PLAC8L1: variants seen among roughly 807,000 people sequenced by gnomAD.
PLAC8L1 encodes the protein PLAC8 like 1.
A neutral mutation model predicts 16.3 loss-of-function variants in PLAC8L1; 13 were observed. That is an observed-to-expected ratio of 0.80 (90% CI 0.52 to 1.27). The LOEUF (loss-of-function observed/expected upper bound fraction) is 1.27. Ranked by LOEUF, PLAC8L1 falls within the 50% of genes most tolerant of loss-of-function variation. The pLI is 0.00. For missense variants in PLAC8L1, 184 were observed against 220.2 expected (o/e 0.84, Z 1.04); for synonymous variants, 78 against 79.3 (o/e 0.98, Z 0.09).
intron 2 of PLAC8L1, among the ~76,000 whole-genome samples, chr5:146,093,182 T>C (rs1005196375): frequency 1.3e-5 from 2 of 151,962 alleles, no homozygotes; most frequent in African/African-American, 4.8e-5. Flanking sequence ...TAATTAAACA[T>C]CTATTTTAAC....
intron 1 of PLAC8L1, among the ~76,000 whole-genome samples, chr5:146,102,363 T>A (rs1281381371): frequency 6.6e-6 from 1 of 152,236 alleles, no homozygotes; most frequent in Non-Finnish European, 1.5e-5. Context: ...AATGTTTGAA[T>A]TGACATACAT....
At chr5:146,098,934 G>A (rs1395311811) in intron 1 of PLAC8L1, among the ~76,000 whole-genome samples, 1 of 152,180 alleles carries the variant, frequency 6.6e-6, no homozygotes, top group Non-Finnish European at 1.5e-5. Context: ...CTGTATGATT[G>A]ACCTAGTGGT....
chr5:146,104,396 T>TTTA lies in PLAC8L1; in HGVS notation c.-86_-85insTAA. ...TTCTAAACTTCGGATTAGTCCAAAG[T>TTTA]GAAACATCTCTTGAAAGAATGTTCC... On this transcript the variant is annotated 5_prime_UTR_variant, in exon 1 of 4. An upstream open reading frame in the 5' UTR gains an earlier in-frame stop. Transcript: ENST00000311450. 9.8e-7 allele frequency: 1 copy of TTTA among 1,016,088 alleles called. No individual in the cohort carries two copies. The highest frequency in any genetic ancestry group is 1.6e-6 in the Non-Finnish European group (1 of 644,904). The allele number at this position is 1,016,088 out of a possible 1,614,324, so 62.9% of individuals were successfully genotyped here. A position where few individuals can be genotyped will look rare whatever the true frequency, so the allele number is the denominator to read the frequency against.
intron 2 of PLAC8L1, among the ~76,000 whole-genome samples, chr5:146,089,879 C>T (rs1763582874): frequency 6.6e-6 from 1 of 151,800 alleles, no homozygotes; most frequent in South Asian, 2.1e-4. Context: ...GCTGGGAATA[C>T]ATGTGCCTGC....
intron 1 of PLAC8L1, among the ~76,000 whole-genome samples, chr5:146,101,275 GC>G (rs1258928781): frequency 6.6e-6 from 1 of 151,364 alleles, no homozygotes; most frequent in Non-Finnish European, 1.5e-5. Flanking sequence ...ACAGAGAAAG[GC>G]CACGTGAGCA....
Position 146,104,383 on chromosome 5 carries a change from G to A in PLAC8L1, c.-72C>T, listed in dbSNP as rs1763875684. The A allele has an allele frequency of 7.5e-6, 9 of 1,195,054 alleles. No homozygotes were observed. The highest frequency in any genetic ancestry group is 1.0e-5 in the Non-Finnish European group (8 of 803,434). The allele number at this position is 1,195,054 out of a possible 1,614,324, so 74.0% of individuals were successfully genotyped here. A position where few individuals can be genotyped will look rare whatever the true frequency, so the allele number is the denominator to read the frequency against. ...GCAATAAGCTGGTTTCTAAACTTCGGATTAGTCCAAAGTGAAACATCTCTT... is the reference window on the plus strand; with the variant it reads ...GCAATAAGCTGGTTTCTAAACTTCGAATTAGTCCAAAGTGAAACATCTCTT... On this transcript the variant is annotated 5_prime_UTR_variant, in exon 1 of 4. Transcript: ENST00000311450.
chr5:146,096,153 G>A (rs1763715105), intron 2 of PLAC8L1, among the ~76,000 whole-genome samples: 1 of 152,132 alleles, frequency 6.6e-6, no homozygotes, highest in Non-Finnish European at 1.5e-5. Flanking sequence ...CCTGGCTTCT[G>A]GGGGTTGCTG....
intron 2 of PLAC8L1, among the ~76,000 whole-genome samples, chr5:146,097,488 T>G (rs1763737620): frequency 6.6e-6 from 1 of 152,266 alleles, no homozygotes; most frequent in Non-Finnish European, 1.5e-5. Flanking sequence ...TATTTGTATT[T>G]GTATTCTTCC....
At position 146,084,421 on chromosome 5, in the gene PLAC8L1, T is replaced by G. The variant is rs765773424; in HGVS notation, c.*11A>C. ...GGTGTTGGGGAGTAAGGAGGAGGAG[T>G]TATCTTGCTGTCAAACCAGGGTGTC... On this transcript the variant is annotated 3_prime_UTR_variant, in exon 4 of 4. Transcript: ENST00000311450. The G allele has an allele frequency of 6.8e-6, 11 of 1,612,146 alleles. No homozygotes were observed. Among genetic ancestry groups the G allele is most frequent in the Middle Eastern group, 3.3e-4 (2 of 6,076 alleles).
Position 146,105,204 on chromosome 5 carries a change from C to A in PLAC8L1, c.-893G>T, listed in dbSNP as rs1032013384. Among the ~76,000 whole-genome samples, 1 of 152,182 alleles carries A rather than the reference C, an allele frequency of 6.6e-6. No individual in the cohort carries two copies. Among genetic ancestry groups the A allele is most frequent in the African/African-American group, 2.4e-5 (1 of 41,440 alleles). On this transcript the variant is annotated 5_prime_UTR_variant, in exon 1 of 4. Coordinates refer to ENST00000311450, the MANE Select transcript of PLAC8L1 (RefSeq NM_001029869.3). ...ACATTAGAAAGACATCAGGAGGATA[C>A]TGCCAATTATATCATATATTCTTTT...
intron 1 of PLAC8L1, among the ~76,000 whole-genome samples, chr5:146,101,589 G>T (rs968188861): frequency 6.6e-6 from 1 of 152,194 alleles, no homozygotes; most frequent in African/African-American, 2.4e-5. Flanking sequence ...CCTCATGGGT[G>T]CATGATAAGT....
At chr5:146,091,085 G>A (rs1763612406) in intron 2 of PLAC8L1, among the ~76,000 whole-genome samples, 1 of 151,972 alleles carries the variant, frequency 6.6e-6, no homozygotes, top group African/African-American at 2.4e-5. Context: ...ATGATATATT[G>A]TGGGGAGCCA....
chr5:146,085,923 T>G (rs1763503108), intron 2 of PLAC8L1, among the ~76,000 whole-genome samples: 1 of 152,168 alleles, frequency 6.6e-6, no homozygotes, highest in Admixed American at 6.5e-5. Context: ...ACTGTTGCTT[T>G]CATTATGTTC....
At chr5:146,089,659 T>C (rs1763577846) in intron 2 of PLAC8L1, among the ~76,000 whole-genome samples, 1 of 152,062 alleles carries the variant, frequency 6.6e-6, no homozygotes, top group Non-Finnish European at 1.5e-5. Context: ...TGTGGATTGG[T>C]GTGCTAGACA....
At position 146,099,658 on chromosome 5, in the gene PLAC8L1, CAAAAAAAAAAAA is replaced by C. The variant is rs10581890; in HGVS notation, c.120-1378_120-1367del. 1.5e-3 allele frequency among the ~76,000 whole-genome samples: 133 copies of C among 88,740 alleles called. 1 individual carries two copies. The highest frequency in any genetic ancestry group is 6.7e-3 in the African/African-American group (129 of 19,274). 58.2% of individuals were successfully genotyped at this position (88,740 alleles called of 152,430 possible). On this transcript the variant is annotated intron_variant, in intron 1 of 3. Coordinates refer to ENST00000311450, the MANE Select transcript of PLAC8L1 (RefSeq NM_001029869.3). ...TGGGTGACAGAGCAAGACTCCGTCTCAAAAAAAAAAAAAAAAAAAAAAAAGTTGTTGCAGTAA... is the reference window on the plus strand; with the variant it reads ...TGGGTGACAGAGCAAGACTCCGTCTCAAAAAAAAAAAAGTTGTTGCAGTAA...
intron 1 of PLAC8L1, among the ~76,000 whole-genome samples, chr5:146,101,966 C>T (rs541764256): frequency 1.3e-5 from 2 of 151,820 alleles, no homozygotes; most frequent in Admixed American, 6.6e-5. Flanking sequence ...GTATTCTATC[C>T]ATTCCAAATC....
At chr5:146,097,846 C>G (rs889946901) in intron 2 of PLAC8L1, among the ~76,000 whole-genome samples, 1 of 152,180 alleles carries the variant, frequency 6.6e-6, no homozygotes, top group Non-Finnish European at 1.5e-5. Flanking sequence ...GCTAAACCAT[C>G]CCCCAGAAGA....
chr5:146,088,724 A>C (rs988896657), intron 2 of PLAC8L1, among the ~76,000 whole-genome samples: 1 of 152,170 alleles, frequency 6.6e-6, no homozygotes, highest in Non-Finnish European at 1.5e-5. Flanking sequence ...GTCTCAAATA[A>C]GACTGGGATA....
chr5:146,104,006 T>C, intron 1 of PLAC8L1, 187 bp downstream of exon 1: 2 of 985,422 alleles, frequency 2.0e-6, no homozygotes, highest in Non-Finnish European at 2.4e-6. Context: ...CCTTTTCTTG[T>C]CACCAGCCAA....
Sources: allele counts gnomAD v4.1 joint callset (sites outside exome capture counted in the v4.1 genomes callset), GRCh38; gene constraint gnomAD v4.1.1; transcripts MANE v1.5; gene names NCBI Gene and HGNC (gene_info 2026-07-23, HGNC 2026-07-21).